CNTNAP4: variants seen among roughly 807,000 people sequenced by gnomAD.
CNTNAP4 encodes contactin-associated protein-like 4.
A neutral mutation model predicts 148.4 loss-of-function variants in CNTNAP4; 98 were observed. The observed-to-expected ratio is 0.66, with a 90% CI of 0.56 to 0.78. The LOEUF (loss-of-function observed/expected upper bound fraction) is 0.78. CNTNAP4 is among the 30% of genes least tolerant of loss of function. CNTNAP4 has a pLI of 0.00. For synonymous variants in CNTNAP4, 730 were observed against 565.1 expected (o/e 1.29, Z -4.14); for missense variants, 1,935 against 1,565.6 (o/e 1.24, Z -3.98).
chr16:76,513,468 A>G (rs79476168), intron 15 of CNTNAP4, among the ~76,000 whole-genome samples: 1,948 of 152,312 alleles, frequency 0.013, 18 homozygotes, highest in South Asian at 0.025. Context: ...CCCGATGTTT[A>G]TACACAGTCC....
At chr16:76,518,796 T>C (rs1250895870) in intron 15 of CNTNAP4, among the ~76,000 whole-genome samples, 1 of 152,166 alleles carries the variant, frequency 6.6e-6, no homozygotes, top group Non-Finnish European at 1.5e-5. Context: ...AGCTTATTCC[T>C]TCTATCTAAC....
At chr16:76,548,062 C>T (rs1041726684) in intron 21 of CNTNAP4, among the ~76,000 whole-genome samples, 2 of 152,242 alleles carry the variant, frequency 1.3e-5, no homozygotes, top group African/African-American at 4.8e-5. Flanking sequence ...GCTGCCTGTA[C>T]ATAACCTGTG....
intron 14 of CNTNAP4, among the ~76,000 whole-genome samples, chr16:76,498,069 C>T (rs1232112414): frequency 6.6e-6 from 1 of 152,094 alleles, no homozygotes; most frequent in East Asian, 1.9e-4. Flanking sequence ...TTCTCTATTA[C>T]ATATTTTCTA....
chr16:76,285,090 G>A (rs1208543932), intron 1 of CNTNAP4, among the ~76,000 whole-genome samples: 1 of 151,998 alleles, frequency 6.6e-6, no homozygotes, highest in Non-Finnish European at 1.5e-5. Context: ...CGCATTACAA[G>A]TTATCATTAT....
In CNTNAP4 at chr16:76,475,635, G is replaced by T. The variant is rs531435174; in HGVS notation, c.1656-304G>T. Among the ~76,000 whole-genome samples, 21 of 152,254 alleles carry T rather than the reference G, an allele frequency of 1.4e-4. No homozygotes were observed. The East Asian group carries it at 2.9e-3, about 21-fold the overall frequency. On this transcript the variant is annotated intron_variant, in intron 10 of 23. Transcript: ENST00000611870. ...TGTGATAAAATGTTATTTCATGTAT[G>T]CTGTTGATATTTCTGCCAACATATT...
At chr16:76,413,255 CA>C (rs2078860917) in intron 3 of CNTNAP4, among the ~76,000 whole-genome samples, 1 of 151,416 alleles carries the variant, frequency 6.6e-6, no homozygotes, top group Admixed American at 6.6e-5. Flanking sequence ...GCAAGCCCCC[CA>C]CTACACTTCT....
At chr16:76,387,052 A>G (rs1243021599) in intron 3 of CNTNAP4, among the ~76,000 whole-genome samples, 5 of 20,828 alleles carry the variant, frequency 2.4e-4, no homozygotes, top group African/African-American at 1.6e-3. Flanking sequence ...AAAGCCTCCA[A>G]AAAAAGCATG....
chr16:76,479,604 A>G, intron 12 of CNTNAP4, 66 bp downstream of exon 12: 1 of 1,522,752 alleles, frequency 6.6e-7, no homozygotes, highest in Non-Finnish European at 8.9e-7. Context: ...CAAAATTAAA[A>G]TGAAATAAGC....
intron 7 of CNTNAP4, among the ~76,000 whole-genome samples, chr16:76,451,343 T>A (rs1422307826): frequency 6.6e-6 from 1 of 152,198 alleles, no homozygotes; most frequent in African/African-American, 2.4e-5. Flanking sequence ...TTTACCAGTT[T>A]GATAATAAAA....
At chr16:76,539,874 A>G in intron 20 of CNTNAP4, 22 bp downstream of exon 20, 1 of 1,535,374 alleles carries the variant, frequency 6.5e-7, no homozygotes, top group Non-Finnish European at 8.7e-7. Flanking sequence ...AATTCAGCAG[A>G]AGCAATCATT....
chr16:76,535,535 T>C lies in CNTNAP4; in HGVS notation c.2756-10T>C. ...GGAACATGTTTCCATTTGCAGTATT[T>C]CCCTTTTAGGTGGAACGGCCACCAG... is the stretch of plus-strand genomic sequence containing the variant. On this transcript the variant is annotated splice_polypyrimidine_tract_variant and intron_variant, in intron 17 of 23. Transcript: ENST00000611870. 1 of 1,611,298 alleles carries C rather than the reference T, an allele frequency of 6.2e-7. No homozygotes were observed. Among genetic ancestry groups the C allele is most frequent in the Non-Finnish European group, 8.5e-7 (1 of 1,179,336 alleles).
chr16:76,537,674 C>T lies in CNTNAP4; in HGVS notation c.2996-442C>T, dbSNP rs893939307. 5.3e-5 allele frequency among the ~76,000 whole-genome samples: 8 copies of T among 152,138 alleles called. No individual in the cohort carries two copies. The East Asian group carries it at 9.6e-4, about 18-fold the overall frequency. ...AAAGGAAAATTTCTGCCTCTTGATC[C>T]TGGGAAAGAAGAGAGTCTCTCAAAC... On this transcript the variant is annotated intron_variant, in intron 18 of 23. Coordinates refer to ENST00000611870, the MANE Select transcript of CNTNAP4 (RefSeq NM_033401.5).
intron 9 of CNTNAP4, among the ~76,000 whole-genome samples, chr16:76,464,340 A>T (rs2081096580): frequency 6.6e-6 from 1 of 152,130 alleles, no homozygotes; most frequent in African/African-American, 2.4e-5. Flanking sequence ...AAAATGCAAG[A>T]CTGCCACAGG....
At chr16:76,314,021 C>G (rs1027978027) in intron 1 of CNTNAP4, among the ~76,000 whole-genome samples, 1 of 152,158 alleles carries the variant, frequency 6.6e-6, no homozygotes, top group Admixed American at 6.5e-5. Flanking sequence ...GTATGGATTT[C>G]ATGATACACA....
At chr16:76,336,172 CT>C (rs1567752114) in intron 2 of CNTNAP4, among the ~76,000 whole-genome samples, 1 of 151,980 alleles carries the variant, frequency 6.6e-6, no homozygotes, top group Non-Finnish European at 1.5e-5. Context: ...AGAATAGGAA[CT>C]AAAAATAGAA....
chr16:76,445,286 C>A (rs1995653), intron 4 of CNTNAP4, among the ~76,000 whole-genome samples: 1 of 152,058 alleles, frequency 6.6e-6, no homozygotes, highest in East Asian at 1.9e-4. Flanking sequence ...ATCAGAATGC[C>A]TGTTACAACC....
At chr16:76,511,101 T>G (rs2083007640) in intron 15 of CNTNAP4, among the ~76,000 whole-genome samples, 2 of 152,218 alleles carry the variant, frequency 1.3e-5, no homozygotes, top group Non-Finnish European at 2.9e-5. Context: ...AAATGTGGTC[T>G]GAATTTCTGC....
rs1361038788 is a variant in CNTNAP4, at chr16:76,559,222, A to G, written c.*539A>G. On this transcript the variant is annotated 3_prime_UTR_variant, in exon 24 of 24. Coordinates refer to ENST00000611870, the MANE Select transcript of CNTNAP4 (RefSeq NM_033401.5). ...TGTATTATATTCAATACAATACATC[A>G]ATAGTCTTGAAAAATGTTTTGCTGT... The G allele has an allele frequency of 6.6e-6, 1 of 152,146 alleles. No individual in the cohort carries two copies. The highest frequency in any genetic ancestry group is 2.4e-5 in the African/African-American group (1 of 41,420). 9.4% of individuals were successfully genotyped at this position (152,146 alleles called of 1,614,324 possible).
At chr16:76,292,212 A>C (rs550245231) in intron 1 of CNTNAP4, among the ~76,000 whole-genome samples, 2 of 152,310 alleles carry the variant, frequency 1.3e-5, no homozygotes, top group East Asian at 3.9e-4. Context: ...GCAAGAGTCC[A>C]CATTTCTTTT....
Sources: allele counts gnomAD v4.1 joint callset (sites outside exome capture counted in the v4.1 genomes callset), GRCh38; gene constraint gnomAD v4.1.1; transcripts MANE v1.5; gene names NCBI Gene and HGNC (gene_info 2026-07-23, HGNC 2026-07-21).